CNNM4: variants seen among roughly 807,000 people sequenced by gnomAD.
CNNM4 encodes cyclin and CBS domain divalent metal cation transport mediator 4, also known as metal transporter CNNM4.
A neutral mutation model predicts 53.7 loss-of-function variants in CNNM4; 32 were observed. The ratio of observed to expected loss-of-function variants is 0.60; its 90% CI spans 0.45 to 0.80. The LOEUF (loss-of-function observed/expected upper bound fraction) is 0.80. Ranked by LOEUF, CNNM4 falls within the 30% of genes least tolerant of loss-of-function variation. The pLI, the probability that CNNM4 is intolerant of heterozygous loss-of-function variation, is 0.00. For synonymous variants in CNNM4, 410 were observed against 440.0 expected, an observed-to-expected ratio of 0.93 and a Z score of 0.85; for missense variants, 784 against 1,022.0, an observed-to-expected ratio of 0.77 and a Z score of 3.17.
chr2:96,801,372 A>G lies in CNNM4; in HGVS notation c.1948+1724A>G, dbSNP rs2079155892. 1.3e-5 allele frequency among the ~76,000 whole-genome samples: 2 copies of G among 152,132 alleles called. No individual in the cohort carries two copies. The highest frequency in any genetic ancestry group is 1.3e-4 in the Admixed American group (2 of 15,268). On this transcript the variant is annotated intron_variant, in intron 5 of 6. Coordinates refer to ENST00000377075, the MANE Select transcript of CNNM4 (RefSeq NM_020184.4). The surrounding 1 kb of genome is among the most constrained non-coding windows in gnomAD (Gnocchi z 5.6). Reference sequence around the variant, plus strand: ...CACACACTCATAGACACATACACACAGAGACACACAGAGAGATACACATAC... The same window carrying G: ...CACACACTCATAGACACATACACACGGAGACACACAGAGAGATACACATAC...
chr2:96,794,706 A>G (rs2079088653), intron 1 of CNNM4, among the ~76,000 whole-genome samples: 1 of 152,098 alleles, frequency 6.6e-6, no homozygotes, highest in Non-Finnish European at 1.5e-5. Flanking sequence ...GAGTTCCTAG[A>G]AGTGGACCTT....
At position 96,761,029 on chromosome 2, in the gene CNNM4, G is replaced by C. The variant is rs2078755167; in HGVS notation, c.30G>C (p.Pro10=). 8.3e-7 allele frequency: 1 copy of C among 1,208,834 alleles called. No homozygotes were observed. The highest frequency in any genetic ancestry group is 4.1e-5 in the South Asian group (1 of 24,146). 74.9% of individuals were successfully genotyped at this position (1,208,834 alleles called of 1,614,324 possible). The stretch of plus-strand genomic sequence containing the variant: ...CGCCGGTGGGCGGGGGCGGGCGCCC[G>C]GTCGGCGGACCGGCCCGCGGGCGCC... MAPVGGGGR[P]VGGPARGRLL... is the part of the protein sequence containing the mutation. Residue 10 remains proline, a synonymous_variant, in exon 1 of 7, where the codon CCG becomes CCC. Transcript: ENST00000377075. This position sits in a 1 kb window ranked among gnomAD's most constrained non-coding sequence, Gnocchi z 6.0.
In CNNM4 at chr2:96,807,872, A is replaced by G. The variant is rs147054423; in HGVS notation, c.1949-689A>G. ...TTTATGTCACTTGATACAAGCTGGT[A>G]TTGAGACAAGGATGGCAGTTTGCTT... On this transcript the variant is annotated intron_variant, in intron 5 of 6. Coordinates refer to ENST00000377075, the MANE Select transcript of CNNM4 (RefSeq NM_020184.4). 2.5e-3 allele frequency among the ~76,000 whole-genome samples: 382 copies of G among 152,064 alleles called. 1 individual carries two copies. The highest frequency in any genetic ancestry group is 8.5e-3 in the African/African-American group (352 of 41,502).
At chr2:96,777,662 G>A (rs7599851) in intron 1 of CNNM4, among the ~76,000 whole-genome samples, 1,941 of 152,158 alleles carry the variant, frequency 0.013, 42 homozygotes, top group African/African-American at 0.045. Flanking sequence ...CACCACACCC[G>A]GCTAATTTTT....
chr2:96,802,652 C>T (rs1355679950), intron 5 of CNNM4, among the ~76,000 whole-genome samples: 2 of 152,182 alleles, frequency 1.3e-5, no homozygotes, highest in Non-Finnish European at 2.9e-5. Flanking sequence ...CAGGAGAGTA[C>T]GTGAGAGAAT....
At chr2:96,765,590 T>C (rs1289550418) in intron 1 of CNNM4, among the ~76,000 whole-genome samples, 9 of 152,156 alleles carry the variant, frequency 5.9e-5, no homozygotes, top group Non-Finnish European at 1.3e-4. Context: ...AATCCTCTTT[T>C]AGGGCCTTTG....
chr2:96,774,399 G>A (rs1460120723), intron 1 of CNNM4, among the ~76,000 whole-genome samples: 2 of 152,164 alleles, frequency 1.3e-5, no homozygotes, highest in Non-Finnish European at 1.5e-5. Flanking sequence ...GGGTGGCAGA[G>A]CGAGACCCTG....
At chr2:96,809,252 C>T in intron 6 of CNNM4, 68 bp from the exon 7 acceptor site, 1 of 1,599,438 alleles carries the variant, frequency 6.3e-7, no homozygotes, top group Non-Finnish European at 8.5e-7. Flanking sequence ...GGCCCTGTTT[C>T]TCCAGGCCTG....
In CNNM4 at chr2:96,808,665, C is replaced by A. The variant is rs752504830; in HGVS notation, c.2053C>A (p.Gln685Lys). The A allele has an allele frequency of 6.2e-7, 1 of 1,614,228 alleles. No homozygotes were observed. The highest frequency in any genetic ancestry group is 1.1e-5 in the South Asian group (1 of 91,088). ...AGCAACCTTGGCAGGCAGCAGCAAC[C>A]AGTTTGGCAGCTCTGTCCTGGGCCA... Reference protein sequence around the residue: ...TAATLAGSSNQFGSSVLGQYI... With the variant: ...TAATLAGSSNKFGSSVLGQYI... Residue 685 changes from glutamine (Q) to lysine (K), a missense_variant, in exon 6 of 7, where the codon CAG becomes AAG. Physicochemically the swap from Gln to Lys is moderately conservative, Grantham distance 53. Transcript: ENST00000377075. The surrounding 1 kb of genome is among the most constrained non-coding windows in gnomAD (Gnocchi z 4.9).
chr2:96,779,700 A>G (rs1355216210), intron 1 of CNNM4, among the ~76,000 whole-genome samples: 1 of 152,058 alleles, frequency 6.6e-6, no homozygotes, highest in Non-Finnish European at 1.5e-5. Flanking sequence ...GATATCTGGT[A>G]ATGTTAAGCC....
At chr2:96,809,227 C>A in intron 6 of CNNM4, 93 bp from the exon 7 acceptor site, 3 of 1,573,216 alleles carry the variant, frequency 1.9e-6, no homozygotes, top group Non-Finnish European at 2.6e-6. Context: ...TCTCTCAACT[C>A]ACAGCCTCAA....
intron 5 of CNNM4, among the ~76,000 whole-genome samples, chr2:96,806,709 A>G (rs1035861657): frequency 6.6e-6 from 1 of 152,146 alleles, no homozygotes; most frequent in Non-Finnish European, 1.5e-5. Flanking sequence ...ACCATCCTGC[A>G]TGTCTTCACA....
chr2:96,779,988 G>T (rs1200062534), intron 1 of CNNM4, among the ~76,000 whole-genome samples: 1 of 152,036 alleles, frequency 6.6e-6, no homozygotes, highest in Non-Finnish European at 1.5e-5. Flanking sequence ...TTTTAGTAGA[G>T]ACGGGGTTTC....
intron 1 of CNNM4, chr2:96,788,824 T>G (rs1007337840): frequency 1.3e-5 from 2 of 152,114 alleles, no homozygotes; most frequent in Admixed American, 1.3e-4. Flanking sequence ...GACTCCTTCT[T>G]GGGTGGTGGG....
chr2:96,788,252 C>CT (rs753661420), intron 1 of CNNM4, among the ~76,000 whole-genome samples: 4,349 of 140,024 alleles, frequency 0.031, 200 homozygotes, highest in African/African-American at 0.095. Flanking sequence ...TCGCTGTAAT[C>CT]TTTTTTTTTT....
intron 1 of CNNM4, among the ~76,000 whole-genome samples, chr2:96,776,893 GTGAGCCAC>G (rs2078930049): frequency 6.7e-6 from 1 of 148,152 alleles, no homozygotes; most frequent in African/African-American, 2.5e-5. Context: ...GATTACAGGC[GTGAGCCAC>G]TGCGCCCCAC....
chr2:96,788,425 T>C (rs1229578360), intron 1 of CNNM4, among the ~76,000 whole-genome samples: 1 of 152,036 alleles, frequency 6.6e-6, no homozygotes, highest in Admixed American at 6.6e-5. Context: ...GCAACATAGA[T>C]GAGCCCTGTT....
In CNNM4 at chr2:96,809,640, ATGGCCCC is replaced by A; in HGVS notation, c.*124_*130del. 1 of 868,292 alleles carries A rather than the reference ATGGCCCC, an allele frequency of 1.2e-6. No individual in the cohort carries two copies. Among genetic ancestry groups the A allele is most frequent in the African/African-American group, 1.7e-5 (1 of 59,604 alleles). 53.8% of individuals were successfully genotyped at this position (868,292 alleles called of 1,614,324 possible). On this transcript the variant is annotated 3_prime_UTR_variant, in exon 7 of 7. Coordinates refer to ENST00000377075, the MANE Select transcript of CNNM4 (RefSeq NM_020184.4). ...ATAGCCTGTCTGACTGAACAGCCAG[ATGGCCCC>A]CAGCCTATGGGGGATCTGGCCTCTG...
In CNNM4 at chr2:96,808,713, C is replaced by T. The variant is rs372182086; in HGVS notation, c.2101C>T (p.Arg701Trp). ...CCAGTACATCTCTGACTTCAGCGTC[C>T]GGGCACTCGTGGACTTGCAGTACAT... is the stretch of plus-strand genomic sequence containing the variant. ...LGQYISDFSV[R>W]ALVDLQYIKI... Residue 701 changes from arginine to tryptophan, a missense_variant, in exon 6 of 7, where the codon CGG becomes TGG. Around this residue, in one of 3 missense-constraint regions of CNNM4, gnomAD observed 307 missense variants for 376.3 expected, o/e 0.82. Coordinates refer to ENST00000377075, the MANE Select transcript of CNNM4 (RefSeq NM_020184.4). This position sits in a 1 kb window ranked among gnomAD's most constrained non-coding sequence, Gnocchi z 4.9. The T allele has an allele frequency of 3.7e-6, 6 of 1,614,044 alleles. No individual in the cohort carries two copies. The highest frequency in any genetic ancestry group is 3.3e-5 in the Admixed American group (2 of 60,004).
Sources: allele counts gnomAD v4.1 joint callset (sites outside exome capture counted in the v4.1 genomes callset), GRCh38; gene constraint gnomAD v4.1.1; regional missense constraint gnomAD v4.1.1; non-coding constraint Gnocchi (gnomAD v3.1); transcripts MANE v1.5; gene names NCBI Gene and HGNC (gene_info 2026-07-23, HGNC 2026-07-21).